The following CYP3A7 variants were observed in gnomAD, a reference collection of about 807,000 sequenced individuals.
CYP3A7 encodes the protein cytochrome P450 family 3 subfamily A member 7, also known as cytochrome P450 3A7.
Under a neutral mutation model 55.2 loss-of-function variants are expected in CYP3A7, and 45 were observed. The observed-to-expected ratio is 0.82, with a 90% CI of 0.64 to 1.05. The LOEUF is 1.05. CYP3A7 is among the 50% of genes least tolerant of loss of function. The pLI is 0.00. For missense variants in CYP3A7, 548 were observed against 605.3 expected, an observed-to-expected ratio of 0.91 and a Z score of 0.99; for synonymous variants, 180 against 207.4, an observed-to-expected ratio of 0.87 and a Z score of 1.13.
intron 3 of CYP3A7, 145 bp downstream of exon 3, chr7:99,722,151 T>C (rs1168665461): frequency 1.0e-6 from 1 of 997,910 alleles, no homozygotes; most frequent in Admixed American, 2.3e-5. Context: ...ATACATATCT[T>C]CTTCTTTCAG....
Position 99,709,104 on chromosome 7 carries a change from A to G in CYP3A7, c.1184T>C (p.Met395Thr), listed in dbSNP as rs1584505748. Reference protein sequence around the residue: ...GMFIPKGVVVMIPSYVLHHDP... With the variant: ...GMFIPKGVVVTIPSYVLHHDP... Reference sequence around the variant, plus strand: ...ATGATGAAGAACATAGCTTGGAATCATCACCACCACCCCTTTGGGAATAAA... The same window carrying G: ...ATGATGAAGAACATAGCTTGGAATCGTCACCACCACCCCTTTGGGAATAAA... The change falls in exon 11 of 13, where the codon ATG becomes ACG. Residue 395 changes from methionine (M) to threonine (T), a missense_variant. Coordinates refer to ENST00000336374, the MANE Select transcript of CYP3A7 (RefSeq NM_000765.5). 1 of 1,613,974 alleles carries G rather than the reference A, an allele frequency of 6.2e-7. No individual in the cohort carries two copies. The highest frequency in any genetic ancestry group is 8.5e-7 in the Non-Finnish European group (1 of 1,179,944).
At chr7:99,733,518 G>A (rs1196572772) in intron 1 of CYP3A7, among the ~76,000 whole-genome samples, 1 of 152,124 alleles carries the variant, frequency 6.6e-6, no homozygotes, top group Non-Finnish European at 1.5e-5. Flanking sequence ...CTGAATCCTG[G>A]GCTGTACCGG....
At chr7:99,707,423 G>A (rs1813566142) in intron 12 of CYP3A7, among the ~76,000 whole-genome samples, 1 of 152,174 alleles carries the variant, frequency 6.6e-6, no homozygotes, top group Non-Finnish European at 1.5e-5. Flanking sequence ...GGGAGCCACT[G>A]TCATGAGAAA....
At chr7:99,719,787 C>T (rs1259649534) in intron 4 of CYP3A7, among the ~76,000 whole-genome samples, 4 of 152,118 alleles carry the variant, frequency 2.6e-5, no homozygotes, top group Non-Finnish European at 4.4e-5. Context: ...TAGAACTACC[C>T]ACACACTCAA....
chr7:99,720,119 C>T lies in CYP3A7; in HGVS notation c.318+194G>A, dbSNP rs562664688. 3.9e-4 allele frequency among the ~76,000 whole-genome samples: 59 copies of T among 152,274 alleles called. No individual in the cohort carries two copies. The South Asian group carries it at 0.012, about 31-fold the overall frequency. On this transcript the variant is annotated intron_variant, in intron 4 of 12. Coordinates refer to ENST00000336374, the MANE Select transcript of CYP3A7 (RefSeq NM_000765.5). ...ACTGTATCAATGTTAATTTCCTGTA[C>T]TGCAGTAATGTGAATATACTGTATT...
At chr7:99,713,448 T>C (rs769151350) in intron 9 of CYP3A7, 21 bp downstream of exon 9, 28 of 1,613,128 alleles carry the variant, frequency 1.7e-5, no homozygotes, top group African/African-American at 4.0e-5. Context: ...CCAGTAGCCC[T>C]CAGAAGCACT....
chr7:99,720,436 T>C (rs1814155929), intron 3 of CYP3A7, 24 bp from the exon 4 acceptor site: 2 of 1,612,694 alleles, frequency 1.2e-6, no homozygotes, highest in African/African-American at 1.3e-5. Flanking sequence ...ACAGAGTTGA[T>C]TAAACATCAA....
chr7:99,722,965 T>C (rs1268012916), intron 2 of CYP3A7, among the ~76,000 whole-genome samples: 1 of 152,024 alleles, frequency 6.6e-6, no homozygotes, highest in East Asian at 1.9e-4. Flanking sequence ...TCTGAGAAAA[T>C]GTCACCTCTA....
rs112599348 is a variant in CYP3A7, at chr7:99,705,312, T to C, written c.*188A>G. On this transcript the variant is annotated 3_prime_UTR_variant, in exon 13 of 13. Coordinates refer to ENST00000336374, the MANE Select transcript of CYP3A7 (RefSeq NM_000765.5). The stretch of plus-strand genomic sequence containing the variant: ...CACTGATTTGGTCATCTCCTCTATA[T>C]TACCAAGTATAACACTCTATACAGA... The C allele has an allele frequency of 1.9e-5, 12 of 638,106 alleles. No homozygotes were observed. Among genetic ancestry groups the C allele is most frequent in the African/African-American group, 1.3e-4 (7 of 54,258 alleles). The allele number at this position is 638,106 out of a possible 1,614,324, so 39.5% of individuals were successfully genotyped here.
intron 12 of CYP3A7, among the ~76,000 whole-genome samples, chr7:99,707,451 G>A (rs1437506740): frequency 1.3e-5 from 2 of 152,186 alleles, no homozygotes; most frequent in African/African-American, 4.8e-5. Flanking sequence ...CAAGTTCTGG[G>A]AAGGAAGAGC....
chr7:99,734,313 T>C (rs1336173234), intron 1 of CYP3A7, among the ~76,000 whole-genome samples: 1 of 152,082 alleles, frequency 6.6e-6, no homozygotes. Flanking sequence ...CAGTAGGGAG[T>C]GACTCTTCTC....
intron 3 of CYP3A7, 148 bp downstream of exon 3, chr7:99,722,148 T>A (rs1036556955): frequency 1.0e-6 from 1 of 966,486 alleles, no homozygotes. Flanking sequence ...CAAATACATA[T>A]CTTCTTCTTT....
At chr7:99,706,618 T>C (rs1813532474) in intron 12 of CYP3A7, among the ~76,000 whole-genome samples, 2 of 152,238 alleles carry the variant, frequency 1.3e-5, no homozygotes. Flanking sequence ...AGAGAAAAGG[T>C]TCCAAATCTT....
intron 2 of CYP3A7, among the ~76,000 whole-genome samples, chr7:99,728,906 G>A (rs1228629567): frequency 6.6e-6 from 1 of 152,130 alleles, no homozygotes; most frequent in Non-Finnish European, 1.5e-5. Flanking sequence ...TCAGACCCAG[G>A]TTGACTTCTT....
At chr7:99,712,525 T>G (rs999096261) in intron 9 of CYP3A7, among the ~76,000 whole-genome samples, 1 of 152,202 alleles carries the variant, frequency 6.6e-6, no homozygotes, top group African/African-American at 2.4e-5. Flanking sequence ...ATGTGTCTAG[T>G]GATTTCTAGA....
intron 2 of CYP3A7, 123 bp from the exon 3 acceptor site, chr7:99,722,471 A>G: frequency 8.3e-7 from 1 of 1,201,354 alleles, no homozygotes; most frequent in Non-Finnish European, 1.2e-6. Context: ...GAGGAAGCTT[A>G]TTTAGAGATG....
Position 99,709,066 on chromosome 7 carries a change from A to G in CYP3A7, c.1222T>C (p.Trp408Arg). 1.2e-6 allele frequency: 2 copies of G among 1,613,978 alleles called. No homozygotes were observed. Among genetic ancestry groups the G allele is most frequent in the Non-Finnish European group, 1.7e-6 (2 of 1,179,928 alleles). The change falls in exon 11 of 13, where the codon TGG (tryptophan) becomes CGG (arginine). Residue 408 changes from tryptophan to arginine, a missense_variant. Physicochemically the swap from Trp to Arg is moderately radical, Grantham distance 101. Transcript: ENST00000336374. ...SYVLHHDPKYWTEPEKFLPER... is the reference protein window; with the variant it reads ...SYVLHHDPKYRTEPEKFLPER... ...GGGAGGAACTTCTCAGGCTCTGTCC[A>G]GTACTTTGGGTCATGATGAAGAACA...
chr7:99,724,749 A>G (rs1272391801), intron 2 of CYP3A7, among the ~76,000 whole-genome samples: 1 of 152,296 alleles, frequency 6.6e-6, no homozygotes, highest in South Asian at 2.1e-4. Context: ...AGCTGAAGGC[A>G]TAGTCAAGGT....
chr7:99,714,727 T>A (rs371510108), intron 7 of CYP3A7, 45 bp from the exon 8 acceptor site: 1 of 1,595,028 alleles, frequency 6.3e-7, no homozygotes, highest in African/African-American at 1.3e-5. Flanking sequence ...ATTGTGAACA[T>A]ACAAAATTTA....
Sources: allele counts gnomAD v4.1 joint callset (sites outside exome capture counted in the v4.1 genomes callset), GRCh38; gene constraint gnomAD v4.1.1; transcripts MANE v1.5; gene names NCBI Gene and HGNC (gene_info 2026-07-23, HGNC 2026-07-21).